PATJ: variants seen among roughly 807,000 people sequenced by gnomAD.
PATJ encodes the protein PATJ crumbs cell polarity complex component, also known as inaD-like protein.
A neutral mutation model predicts 224.9 loss-of-function variants in PATJ; 190 were observed. The ratio of observed to expected loss-of-function variants is 0.84; its 90% CI spans 0.75 to 0.95. PATJ has a LOEUF of 0.95. PATJ is among the 40% of genes least tolerant of loss of function. PATJ has a pLI of 0.00. For synonymous variants in PATJ, 769 were observed against 820.3 expected, an observed-to-expected ratio of 0.94 and a Z score of 1.07; for missense variants, 2,121 against 2,270.3, an observed-to-expected ratio of 0.93 and a Z score of 1.34.
intron 27 of PATJ, among the ~76,000 whole-genome samples, chr1:61,932,845 G>A (rs992906852): frequency 4.6e-5 from 7 of 152,170 alleles, no homozygotes; most frequent in Non-Finnish European, 8.8e-5. Context: ...GTTGCAGTGA[G>A]CCGAGATTGC....
Position 62,096,005 on chromosome 1 carries a change from C to T in PATJ, c.4377+11357C>T, listed in dbSNP as rs9436658. 8.3e-3 allele frequency among the ~76,000 whole-genome samples: 1,258 copies of T among 152,242 alleles called. 13 individuals carry two copies. The highest frequency in any genetic ancestry group is 0.014 in the Non-Finnish European group (949 of 68,018). On this transcript the variant is annotated intron_variant, in intron 33 of 43. Transcript: ENST00000642238. ...ATACTCTCTCAATGAAGCACATCCT[C>T]GTCTTCTTGTACTTAGGAACACTGG...
chr1:61,983,016 TTTC>T (rs572954535), intron 27 of PATJ, among the ~76,000 whole-genome samples: 37,898 of 151,746 alleles, frequency 0.25, 5,049 homozygotes, highest in East Asian at 0.45. Context: ...TATATGAGAT[TTTC>T]ATTCTGTGGT....
chr1:61,776,335 A>G (rs1646910878), intron 7 of PATJ, among the ~76,000 whole-genome samples: 1 of 152,212 alleles, frequency 6.6e-6, no homozygotes, highest in Non-Finnish European at 1.5e-5. Flanking sequence ...CCCTGCTAAC[A>G]TTTGTACTGA....
intron 31 of PATJ, among the ~76,000 whole-genome samples, chr1:62,055,322 G>A (rs1415871137): frequency 2.6e-5 from 4 of 152,112 alleles, no homozygotes; most frequent in Non-Finnish European, 4.4e-5. Context: ...AATCTTTTGG[G>A]TATAAACTTG....
At chr1:62,095,867 A>G in intron 33 of PATJ, among the ~76,000 whole-genome samples, 1 of 152,190 alleles carries the variant, frequency 6.6e-6, no homozygotes, top group East Asian at 1.9e-4. Flanking sequence ...ACATTGCTTT[A>G]TGTATGTTTC....
At chr1:61,823,266 C>T (rs1057239695) in intron 15 of PATJ, among the ~76,000 whole-genome samples, 187 bp downstream of exon 15, 1 of 152,220 alleles carries the variant, frequency 6.6e-6, no homozygotes, top group South Asian at 2.1e-4. Context: ...TTATTTTCCC[C>T]ATCTTTGAGG....
chr1:61,933,598 C>T (rs943399463), intron 27 of PATJ, among the ~76,000 whole-genome samples: 2 of 151,500 alleles, frequency 1.3e-5, no homozygotes, highest in African/African-American at 4.8e-5. Flanking sequence ...AAAGAGATCA[C>T]TCAGTTGACT....
At chr1:61,833,511 T>G (rs1659687437) in intron 16 of PATJ, 143 bp from the exon 17 acceptor site, 1 of 743,186 alleles carries the variant, frequency 1.3e-6, no homozygotes, top group African/African-American at 1.8e-5. Flanking sequence ...AGCATGCCCC[T>G]TTTACAAAGA....
intron 13 of PATJ, among the ~76,000 whole-genome samples, chr1:61,806,020 G>T (rs1192296354): frequency 6.6e-6 from 1 of 152,200 alleles, no homozygotes; most frequent in African/African-American, 2.4e-5. Context: ...TTTAGGTTAG[G>T]TATAAGTTTA....
At chr1:62,032,826 A>C (rs567231722) in intron 29 of PATJ, among the ~76,000 whole-genome samples, 2 of 152,322 alleles carry the variant, frequency 1.3e-5, no homozygotes, top group East Asian at 3.9e-4. Context: ...CTGACAGTTC[A>C]GCGTGTCTGG....
intron 43 of PATJ, among the ~76,000 whole-genome samples, 154 bp from the exon 44 acceptor site, chr1:62,160,754 C>T (rs541640969): frequency 6.6e-6 from 1 of 152,124 alleles, no homozygotes; most frequent in Non-Finnish European, 1.5e-5. Context: ...TTACTTTTTT[C>T]CTAATTTAAA....
intron 9 of PATJ, among the ~76,000 whole-genome samples, chr1:61,793,064 T>A (rs1004029174): frequency 2.6e-5 from 4 of 152,072 alleles, no homozygotes; most frequent in Non-Finnish European, 5.9e-5. Context: ...TTTTTAAAAA[T>A]TATTATTATC....
chr1:62,103,758 CA>C (rs751774297), intron 33 of PATJ, among the ~76,000 whole-genome samples: 2,978 of 108,410 alleles, frequency 0.027, 45 homozygotes, highest in African/African-American at 0.067. Context: ...TGTCTCAACC[CA>C]AAAAAAAAAA....
chr1:62,055,304 ATTACT>A (rs1654362075), intron 31 of PATJ, among the ~76,000 whole-genome samples: 1 of 152,154 alleles, frequency 6.6e-6, no homozygotes, highest in Non-Finnish European at 1.5e-5. Flanking sequence ...CCCTAAAATA[ATTACT>A]TTAATCTTTT....
intron 32 of PATJ, among the ~76,000 whole-genome samples, chr1:62,081,608 C>G (rs923018248): frequency 6.6e-6 from 1 of 152,128 alleles, no homozygotes; most frequent in Non-Finnish European, 1.5e-5. Context: ...GCTCTTGTTG[C>G]CCAGGCTGGA....
chr1:62,160,772 C>G (rs1669766007), intron 43 of PATJ, 136 bp from the exon 44 acceptor site: 2 of 774,566 alleles, frequency 2.6e-6, no homozygotes, highest in Non-Finnish European at 3.9e-6. Context: ...AAAACATTAC[C>G]TAGAAAAAAC....
intron 18 of PATJ, among the ~76,000 whole-genome samples, chr1:61,859,911 C>T (rs572407643): frequency 2.6e-5 from 4 of 152,086 alleles, no homozygotes; most frequent in Non-Finnish European, 5.9e-5. Flanking sequence ...TGAGCCACTG[C>T]GCCTGGCCTA....
At chr1:61,891,489 G>T (rs1311346269) in intron 22 of PATJ, among the ~76,000 whole-genome samples, 5 of 152,138 alleles carry the variant, frequency 3.3e-5, no homozygotes, top group Non-Finnish European at 7.4e-5. Context: ...GAGAGAAAAG[G>T]GGGTGTTTGT....
At chr1:62,130,903 T>C (rs575931087) in intron 41 of PATJ, among the ~76,000 whole-genome samples, 1 of 152,124 alleles carries the variant, frequency 6.6e-6, no homozygotes, top group Non-Finnish European at 1.5e-5. Context: ...TGTGGTGTTT[T>C]ACATCTCTGT....
Sources: allele counts gnomAD v4.1 joint callset (sites outside exome capture counted in the v4.1 genomes callset), GRCh38; gene constraint gnomAD v4.1.1; transcripts MANE v1.5; gene names NCBI Gene and HGNC (gene_info 2026-07-23, HGNC 2026-07-21).